The following KCNIP1 variants were observed in gnomAD, a reference collection of about 807,000 sequenced individuals.
KCNIP1 encodes A-type potassium channel modulatory protein KCNIP1.
A neutral mutation model predicts 33.0 loss-of-function variants in KCNIP1; 18 were observed. That is an observed-to-expected ratio of 0.55 (90% CI 0.38 to 0.81). The LOEUF (loss-of-function observed/expected upper bound fraction) is 0.81. Ranked by LOEUF, KCNIP1 falls within the 30% of genes least tolerant of loss-of-function variation. KCNIP1 has a pLI of 0.00. For missense variants in KCNIP1, 238 were observed against 271.6 expected (o/e 0.88, Z 0.87); for synonymous variants, 93 against 98.3 (o/e 0.95, Z 0.32).
At chr5:170,362,055 G>T (rs1016419395) in intron 1 of KCNIP1, among the ~76,000 whole-genome samples, 2 of 152,216 alleles carry the variant, frequency 1.3e-5, no homozygotes, top group Non-Finnish European at 2.9e-5. Context: ...AAACAAAATT[G>T]CAGCACTGCT....
intron 1 of KCNIP1, among the ~76,000 whole-genome samples, chr5:170,442,213 A>G (rs1291430597): frequency 6.6e-6 from 1 of 152,118 alleles, no homozygotes; most frequent in Non-Finnish European, 1.5e-5. Context: ...ACAGCGTTGC[A>G]AAGACCCCAG....
intron 1 of KCNIP1, among the ~76,000 whole-genome samples, chr5:170,481,076 T>TA (rs745549383): frequency 2.0e-5 from 3 of 152,224 alleles, no homozygotes; most frequent in Non-Finnish European, 4.4e-5. Flanking sequence ...ATTAGGAACT[T>TA]ACAGCTCTTC....
chr5:170,552,337 T>C (rs1338928731), intron 1 of KCNIP1, among the ~76,000 whole-genome samples: 1 of 152,204 alleles, frequency 6.6e-6, no homozygotes, highest in Non-Finnish European at 1.5e-5. Context: ...AGTTTGCGTT[T>C]TCATGGAATT....
chr5:170,598,491 G>C (rs1758545840), intron 1 of KCNIP1, among the ~76,000 whole-genome samples: 1 of 152,146 alleles, frequency 6.6e-6, no homozygotes, highest in South Asian at 2.1e-4. Flanking sequence ...CCCATTCTCT[G>C]TGTGCCCCGG....
At chr5:170,728,231 C>CTGAAGAAAAGATGAGGCAAGAAAAGATGA (rs1354429620) in intron 5 of KCNIP1, among the ~76,000 whole-genome samples, 2 of 152,174 alleles carry the variant, frequency 1.3e-5, no homozygotes, top group South Asian at 2.1e-4. Flanking sequence ...GAGATTCTCA[C>CTGAAGAAAAGATGAGGCAAGAAAAGATGA]TGAAGAAAAG....
At chr5:170,637,388 T>C (rs552666818) in intron 1 of KCNIP1, among the ~76,000 whole-genome samples, 88 of 152,174 alleles carry the variant, frequency 5.8e-4, no homozygotes, top group African/African-American at 2.0e-3. Flanking sequence ...TTGAGTCCAT[T>C]CTTCAACCAG....
At chr5:170,453,155 C>G (rs1215104671) in intron 1 of KCNIP1, among the ~76,000 whole-genome samples, 1 of 152,196 alleles carries the variant, frequency 6.6e-6, no homozygotes, top group Non-Finnish European at 1.5e-5. Flanking sequence ...AAATTGACGA[C>G]TTGAAAGAAC....
chr5:170,607,355 T>A (rs1444716584), intron 1 of KCNIP1, among the ~76,000 whole-genome samples: 1 of 152,218 alleles, frequency 6.6e-6, no homozygotes, highest in African/African-American at 2.4e-5. Context: ...TGAGCCACAG[T>A]AAGTGCTCAG....
chr5:170,516,041 A>G (rs2113284956), intron 1 of KCNIP1, among the ~76,000 whole-genome samples: 1 of 152,314 alleles, frequency 6.6e-6, no homozygotes, highest in African/African-American at 2.4e-5. Flanking sequence ...TATGCTTGTG[A>G]CTTGGAGGAT....
intron 1 of KCNIP1, among the ~76,000 whole-genome samples, chr5:170,697,172 A>G (rs894482998): frequency 5.9e-5 from 9 of 151,962 alleles, no homozygotes; most frequent in Non-Finnish European, 8.8e-5. Context: ...CTCCTCAGGG[A>G]AGCCTGCCCT....
chr5:170,709,181 C>T (rs922935410), intron 1 of KCNIP1, among the ~76,000 whole-genome samples: 1 of 152,160 alleles, frequency 6.6e-6, no homozygotes, highest in Admixed American at 6.5e-5. Context: ...AATTATGTTG[C>T]TCAGATCTTC....
intron 1 of KCNIP1, among the ~76,000 whole-genome samples, chr5:170,381,079 TC>T (rs1225901399): frequency 6.6e-6 from 1 of 152,220 alleles, no homozygotes; most frequent in East Asian, 1.9e-4. Flanking sequence ...ATGGATGAGC[TC>T]TGAAGTAGAG....
At chr5:170,727,757 G>C (rs559584968) in intron 5 of KCNIP1, among the ~76,000 whole-genome samples, 1 of 151,748 alleles carries the variant, frequency 6.6e-6, no homozygotes, top group African/African-American at 2.4e-5. Flanking sequence ...GTCAACATAG[G>C]GAGAGCCTGT....
chr5:170,704,739 T>A (rs1763201233), intron 1 of KCNIP1, among the ~76,000 whole-genome samples: 1 of 152,190 alleles, frequency 6.6e-6, no homozygotes, highest in South Asian at 2.1e-4. Context: ...TCTTCACCTC[T>A]TGTTTTTTAT....
intron 1 of KCNIP1, among the ~76,000 whole-genome samples, chr5:170,651,983 A>G (rs941142986): frequency 2.0e-5 from 3 of 152,204 alleles, no homozygotes; most frequent in Non-Finnish European, 4.4e-5. Context: ...AAGAGATTGT[A>G]CAGTAATTCA....
intron 1 of KCNIP1, among the ~76,000 whole-genome samples, chr5:170,715,024 G>A (rs149691049): frequency 6.6e-6 from 1 of 152,232 alleles, no homozygotes; most frequent in Non-Finnish European, 1.5e-5. Flanking sequence ...TTCCAGTCCT[G>A]TAACTTCCAT....
At chr5:170,544,539 A>G (rs188309588) in intron 1 of KCNIP1, among the ~76,000 whole-genome samples, 10 of 152,238 alleles carry the variant, frequency 6.6e-5, no homozygotes, top group African/African-American at 2.4e-4. Context: ...TATATTTACT[A>G]TACTTACAGA....
intron 1 of KCNIP1, among the ~76,000 whole-genome samples, chr5:170,516,898 G>A (rs555335368): frequency 6.6e-6 from 1 of 152,154 alleles, no homozygotes; most frequent in Admixed American, 6.5e-5. Flanking sequence ...TACGTGGTGG[G>A]GATCAGTATT....
At chr5:170,430,214 G>A (rs552071206) in intron 1 of KCNIP1, among the ~76,000 whole-genome samples, 3 of 152,320 alleles carry the variant, frequency 2.0e-5, no homozygotes, top group South Asian at 2.1e-4. Context: ...GCGGAAGGTA[G>A]GACCCAATAG....
Sources: gnomAD v4.1 joint callset for allele counts (sites outside exome capture counted in the v4.1 genomes callset) on GRCh38, gnomAD v4.1.1 for gene constraint, MANE v1.5 for transcripts, NCBI Gene and HGNC (gene_info 2026-07-23, HGNC 2026-07-21) for gene names.